The following WIF1 variants were observed in gnomAD, a reference collection of about 807,000 sequenced individuals.
WIF1 encodes the protein Wnt inhibitory factor 1.
Under a neutral mutation model 53.5 loss-of-function variants are expected in WIF1, and 35 were observed. The observed-to-expected ratio is 0.65, with a 90% CI of 0.50 to 0.87. WIF1 has a LOEUF of 0.87. Among genes scored for constraint, WIF1 ranks in the 40% least tolerant of loss-of-function variants. The pLI is 0.00. For synonymous variants in WIF1, 171 were observed against 170.4 expected, an observed-to-expected ratio of 1.00 and a Z score of -0.03; for missense variants, 467 against 476.8, an observed-to-expected ratio of 0.98 and a Z score of 0.19.
At chr12:65,111,351 C>T (rs1392389383) in intron 2 of WIF1, among the ~76,000 whole-genome samples, 1 of 152,104 alleles carries the variant, frequency 6.6e-6, no homozygotes, top group African/African-American at 2.4e-5. Flanking sequence ...TCTGACCTGC[C>T]ACTGCCTATA....
intron 2 of WIF1, among the ~76,000 whole-genome samples, chr12:65,109,229 A>G (rs953292957): frequency 6.6e-6 from 1 of 152,132 alleles, no homozygotes; most frequent in Admixed American, 6.6e-5. Context: ...ATCTTTCATG[A>G]CTCAGGTCTG....
chr12:65,105,858 T>C (rs1433023605), intron 2 of WIF1, among the ~76,000 whole-genome samples: 12 of 152,122 alleles, frequency 7.9e-5, no homozygotes, highest in African/African-American at 2.2e-4. Flanking sequence ...ACCTAAACCA[T>C]TGGACTGCTT....
At position 65,081,045 on chromosome 12, in the gene WIF1, AT is replaced by A. The variant is rs199721501; in HGVS notation, c.289-3192del. Among the ~76,000 whole-genome samples the A allele has an allele frequency of 5.6e-3, 845 of 151,910 alleles. 7 individuals are homozygous for A. The highest frequency in any genetic ancestry group is 0.018 in the African/African-American group (759 of 41,468). Reference sequence around the variant, plus strand: ...CAATGATTGTGTAGAATTGATGGTGATTTTTTTTCTTTTCTCTCTTTTTCAG... The same window carrying A: ...CAATGATTGTGTAGAATTGATGGTGATTTTTTTCTTTTCTCTCTTTTTCAG... On this transcript the variant is annotated intron_variant, in intron 2 of 9. Transcript: ENST00000286574.
Position 65,084,663 on chromosome 12 carries a change from T to G in WIF1, c.289-6809A>C, listed in dbSNP as rs1883008188. ...GGTCTACTGGAGACTCACTCAGCAT[T>G]GTGCACAGCAAGGCATTTGAAAAAT... On this transcript the variant is annotated intron_variant, in intron 2 of 9. Transcript: ENST00000286574. Among the ~76,000 whole-genome samples, 4 of 152,194 alleles carry G rather than the reference T, an allele frequency of 2.6e-5. No homozygotes were observed. In the South Asian group the frequency reaches 6.2e-4, roughly 24 times the overall value.
At chr12:65,109,623 A>G (rs781464512) in intron 2 of WIF1, among the ~76,000 whole-genome samples, 16 of 152,340 alleles carry the variant, frequency 1.1e-4, no homozygotes, top group South Asian at 2.1e-4. Context: ...GCACTGACAA[A>G]TGTTCTTTGA....
chr12:65,063,645 C>G (rs932960255), intron 6 of WIF1, among the ~76,000 whole-genome samples: 2 of 149,798 alleles, frequency 1.3e-5, no homozygotes, highest in African/African-American at 4.9e-5. Context: ...TTTAAAATCA[C>G]AAAGATCTCC....
intron 2 of WIF1, among the ~76,000 whole-genome samples, chr12:65,101,718 A>C (rs893234882): frequency 1.2e-4 from 19 of 152,304 alleles, no homozygotes; most frequent in African/African-American, 4.6e-4. Flanking sequence ...AAAATAAAAA[A>C]CCCTTATAAT....
rs1239680179 is a variant in WIF1 at position 65,116,396 on chromosome 12, G to C, written c.288+4021C>G. ...CCCTGTTGTGAACTGCACATGTAAG[G>C]GATCTAGGTTATGCACCTTTTATGA... On this transcript the variant is annotated intron_variant, in intron 2 of 9. Coordinates refer to ENST00000286574, the MANE Select transcript of WIF1 (RefSeq NM_007191.5). Among the ~76,000 whole-genome samples, 4 of 151,806 alleles carry C rather than the reference G, an allele frequency of 2.6e-5. 1 individual carries two copies. The highest frequency in any genetic ancestry group is 5.9e-5 in the Non-Finnish European group (4 of 67,988).
Position 65,075,271 on chromosome 12 carries a change from T to C in WIF1, c.397+2475A>G, listed in dbSNP as rs146886508. Among the ~76,000 whole-genome samples, 1,156 of 152,322 alleles carry C rather than the reference T, an allele frequency of 7.6e-3. 7 individuals carry two copies. The highest frequency in any genetic ancestry group is 0.024 in the Middle Eastern group (7 of 294). On this transcript the variant is annotated intron_variant, in intron 3 of 9. Transcript: ENST00000286574. ...CTGGAATGCAACAAGGCAGATCCAC[T>C]GGAAGTGGTAGATAACCGTAATCTG... is the stretch of plus-strand genomic sequence containing the variant.
At chr12:65,087,055 C>T in intron 2 of WIF1, among the ~76,000 whole-genome samples, 1 of 152,108 alleles carries the variant, frequency 6.6e-6, no homozygotes, top group African/African-American at 2.4e-5. Context: ...GAGGCTGAGG[C>T]AGGAGAACTG....
At chr12:65,055,056 C>A in intron 9 of WIF1, 62 bp downstream of exon 9, 1 of 1,553,036 alleles carries the variant, frequency 6.4e-7, no homozygotes, top group Non-Finnish European at 8.8e-7. Context: ...TTCTTCTGGT[C>A]TCCCACTCAC....
intron 2 of WIF1, among the ~76,000 whole-genome samples, chr12:65,086,134 A>G (rs533179391): frequency 2.1e-5 from 3 of 144,504 alleles, no homozygotes; most frequent in East Asian, 2.2e-4. Context: ...CACTTTGTTC[A>G]GCTCATCTAA....
chr12:65,118,707 G>A (rs1375520320), intron 2 of WIF1, among the ~76,000 whole-genome samples: 1 of 152,200 alleles, frequency 6.6e-6, no homozygotes, highest in African/African-American at 2.4e-5. Context: ...TGTATGACAT[G>A]TCAGTCCATT....
chr12:65,086,252 G>A (rs1883036143), intron 2 of WIF1, among the ~76,000 whole-genome samples: 1 of 152,074 alleles, frequency 6.6e-6, no homozygotes, highest in Admixed American at 6.6e-5. Context: ...TGGAAAGGGT[G>A]GTGTAGGCAG....
intron 2 of WIF1, among the ~76,000 whole-genome samples, chr12:65,104,198 T>C (rs921163150): frequency 1.3e-5 from 2 of 152,140 alleles, no homozygotes; most frequent in African/African-American, 4.8e-5. Context: ...TATTATTAGG[T>C]TAAATCACAT....
intron 2 of WIF1, among the ~76,000 whole-genome samples, chr12:65,097,117 T>A (rs781257394): frequency 1.3e-5 from 2 of 151,204 alleles, no homozygotes; most frequent in African/African-American, 2.4e-5. Flanking sequence ...TGTGGATGTA[T>A]GGAAACTAAG....
chr12:65,084,063 T>C (rs1442769069), intron 2 of WIF1, among the ~76,000 whole-genome samples: 3 of 152,064 alleles, frequency 2.0e-5, no homozygotes, highest in Non-Finnish European at 4.4e-5. Context: ...ACAAAGATAC[T>C]GAAGCTCAGG....
In WIF1 at chr12:65,062,494, C is replaced by T. The variant is rs374285121; in HGVS notation, c.813G>A (p.Glu271=). 2.5e-6 allele frequency: 4 copies of T among 1,606,052 alleles called. No homozygotes were observed. Among genetic ancestry groups the T allele is most frequent in the African/African-American group, 2.7e-5 (2 of 74,808 alleles). ...KCICPPGLEG[E]QCEISKCPQP... ...GTCAATACTCACTGATTTCACACTGCTCTCCCTCTAGTCCTGGAGGGCAAA... is the reference window on the plus strand; with the variant it reads ...GTCAATACTCACTGATTTCACACTGTTCTCCCTCTAGTCCTGGAGGGCAAA... The change falls in exon 7 of 10, where the codon GAG becomes GAA. Residue 271 remains glutamate (E), a synonymous_variant. Coordinates refer to ENST00000286574, the MANE Select transcript of WIF1 (RefSeq NM_007191.5).
intron 2 of WIF1, among the ~76,000 whole-genome samples, chr12:65,090,420 C>T (rs1400864527): frequency 1.3e-5 from 2 of 152,314 alleles, no homozygotes; most frequent in South Asian, 2.1e-4. Context: ...TGAGTCAAAA[C>T]AGACCTAGTA....
Sources: gnomAD v4.1 joint callset for allele counts (sites outside exome capture counted in the v4.1 genomes callset) on GRCh38, gnomAD v4.1.1 for gene constraint, MANE v1.5 for transcripts, NCBI Gene and HGNC (gene_info 2026-07-23, HGNC 2026-07-21) for gene names.